The following CEP97 variants were observed in gnomAD, a reference collection of about 807,000 sequenced individuals.
CEP97 encodes centrosomal protein of 97 kDa.
A neutral mutation model predicts 73.1 loss-of-function variants in CEP97; 43 were observed. The observed-to-expected ratio is 0.59, with a 90% CI of 0.46 to 0.76. The LOEUF is 0.76. CEP97 is among the 30% of genes least tolerant of loss of function. The pLI, the probability that CEP97 is intolerant of heterozygous loss-of-function variation, is 0.00. For synonymous variants in CEP97, 337 were observed against 370.0 expected (o/e 0.91, Z 1.02); for missense variants, 939 against 1,014.0 (o/e 0.93, Z 1.00).
rs773569838 is a variant in CEP97, at chr3:101,724,667, A to G, written c.-10A>G. ...GGACGGTTGCCTGGTATTATTAGCAAGCAGCAAATATGGCGGTGGCGCGCG... is the reference window on the plus strand; with the variant it reads ...GGACGGTTGCCTGGTATTATTAGCAGGCAGCAAATATGGCGGTGGCGCGCG... On this transcript the variant is annotated 5_prime_UTR_variant, in exon 1 of 11. Coordinates refer to ENST00000341893, the MANE Select transcript of CEP97 (RefSeq NM_024548.4). 1.2e-6 allele frequency: 2 copies of G among 1,614,074 alleles called. No individual in the cohort carries two copies. The highest frequency in any genetic ancestry group is 8.5e-7 in the Non-Finnish European group (1 of 1,179,996).
At chr3:101,760,333 G>A (rs1361778588) in intron 9 of CEP97, among the ~76,000 whole-genome samples, 2 of 152,110 alleles carry the variant, frequency 1.3e-5, no homozygotes, top group Non-Finnish European at 2.9e-5. Flanking sequence ...AGGGTTGCTG[G>A]ACAATGTGAG....
At chr3:101,750,527 G>T (rs1370005647) in intron 6 of CEP97, among the ~76,000 whole-genome samples, 3 of 152,182 alleles carry the variant, frequency 2.0e-5, no homozygotes. Context: ...ATTTGGCTGT[G>T]AATCCATCTG....
chr3:101,747,098 A>C (rs1322492313), intron 6 of CEP97, among the ~76,000 whole-genome samples: 4 of 149,628 alleles, frequency 2.7e-5, no homozygotes, highest in African/African-American at 9.9e-5. Flanking sequence ...AAACTAGTTC[A>C]ACCATTGTGG....
At chr3:101,747,917 G>T (rs1412338192) in intron 6 of CEP97, among the ~76,000 whole-genome samples, 1 of 151,178 alleles carries the variant, frequency 6.6e-6, no homozygotes, top group Non-Finnish European at 1.5e-5. Context: ...GAAGTCAGCA[G>T]TTCAAGACCA....
At chr3:101,734,240 G>C (rs898060422) in intron 6 of CEP97, among the ~76,000 whole-genome samples, 10 of 152,158 alleles carry the variant, frequency 6.6e-5, no homozygotes, top group African/African-American at 2.4e-4. Flanking sequence ...GAGTCTTCTG[G>C]ACCCTGATAC....
intron 6 of CEP97, among the ~76,000 whole-genome samples, chr3:101,753,254 A>G (rs1255178742): frequency 6.6e-6 from 1 of 152,132 alleles, no homozygotes; most frequent in East Asian, 1.9e-4. Context: ...TTCCTCTGGA[A>G]GTTTTGTCTC....
At chr3:101,740,934 A>G (rs1938432880) in intron 6 of CEP97, among the ~76,000 whole-genome samples, 1 of 152,212 alleles carries the variant, frequency 6.6e-6, no homozygotes, top group Non-Finnish European at 1.5e-5. Context: ...TTGAAATTGC[A>G]TATGGAACCA....
chr3:101,770,016 A>G lies in CEP97; in HGVS notation c.*4465A>G, dbSNP rs1560025927. ...GAATCACTCTGTAGTAGTTGTGTTCATTTTCTTTTCTTTTTCTTTTCTTTT... is the reference window on the plus strand; with the variant it reads ...GAATCACTCTGTAGTAGTTGTGTTCGTTTTCTTTTCTTTTTCTTTTCTTTT... On this transcript the variant is annotated 3_prime_UTR_variant, in exon 11 of 11. Coordinates refer to ENST00000341893, the MANE Select transcript of CEP97 (RefSeq NM_024548.4). 6.6e-6 allele frequency: 1 copy of G among 151,738 alleles called. No individual in the cohort carries two copies. The highest frequency in any genetic ancestry group is 1.5e-5 in the Non-Finnish European group (1 of 67,906). The allele number at this position is 151,738 out of a possible 1,614,324, so 9.4% of individuals were successfully genotyped here.
intron 2 of CEP97, among the ~76,000 whole-genome samples, chr3:101,727,145 TGTCTTAGTAGTTAGAG>T (rs1937917590): frequency 6.6e-6 from 1 of 152,190 alleles, no homozygotes; most frequent in African/African-American, 2.4e-5. Flanking sequence ...GTGTTAAAAA[TGTCTTAGTAGTTAGAG>T]GAGGTCTGAT....
intron 6 of CEP97, among the ~76,000 whole-genome samples, chr3:101,739,103 A>G (rs1347693030): frequency 6.6e-6 from 1 of 152,136 alleles, no homozygotes; most frequent in Non-Finnish European, 1.5e-5. Context: ...ACATACACCC[A>G]CCCAAGACTA....
intron 9 of CEP97, chr3:101,758,818 A>T (rs1939093980): frequency 5.8e-6 from 1 of 173,578 alleles, no homozygotes; most frequent in Non-Finnish European, 1.2e-5. Flanking sequence ...AGGGATTCAG[A>T]AGGGGCTAAA....
At position 101,757,098 on chromosome 3, in the gene CEP97, A is replaced by G. The variant is rs759213129; in HGVS notation, c.929A>G (p.Asn310Ser). The change falls in exon 8 of 11, where the codon AAT becomes AGT. Residue 310 changes from asparagine (N) to serine (S), a missense_variant. Asn to Ser is a conservative substitution (Grantham distance 46). Coordinates refer to ENST00000341893, the MANE Select transcript of CEP97 (RefSeq NM_024548.4). ...HQRQLMNQSQ[N>S]EELSPLVPVE... ...AGGCAGTTGATGAACCAAAGCCAAA[A>G]TGAAGAGTTGTCTCCTCTTGTTCCT... The G allele has an allele frequency of 2.5e-6, 4 of 1,612,742 alleles. No individual in the cohort carries two copies. In the East Asian group the frequency reaches 8.9e-5, roughly 36 times the overall value.
chr3:101,736,939 C>A (rs1008175782), intron 6 of CEP97, among the ~76,000 whole-genome samples: 2 of 152,164 alleles, frequency 1.3e-5, no homozygotes, highest in Non-Finnish European at 2.9e-5. Context: ...AAGCTAAGAA[C>A]CTTGAACAAA....
chr3:101,763,973 T>C lies in CEP97; in HGVS notation c.1894-874T>C, dbSNP rs115563688. Among the ~76,000 whole-genome samples the C allele has an allele frequency of 2.8e-3, 421 of 152,270 alleles. 2 individuals carry two copies. The highest frequency in any genetic ancestry group is 4.9e-3 in the Non-Finnish European group (330 of 68,008). On this transcript the variant is annotated intron_variant, in intron 10 of 10. Coordinates refer to ENST00000341893, the MANE Select transcript of CEP97 (RefSeq NM_024548.4). ...CTGTTGTGCTTCTTGCTGTTTTTCT[T>C]GTAGAAGCAAGAGAATTGCTTTGGC...
At chr3:101,761,095 G>A (rs1939160831) in intron 9 of CEP97, among the ~76,000 whole-genome samples, 1 of 151,844 alleles carries the variant, frequency 6.6e-6, no homozygotes, top group African/African-American at 2.4e-5. Flanking sequence ...TCAAACTCCT[G>A]ACCTCAGGTG....
In CEP97 at chr3:101,732,657, A is replaced by G; in HGVS notation, c.728+3A>G. On this transcript the variant is annotated splice_donor_region_variant and intron_variant, in intron 6 of 10. Transcript: ENST00000341893. ...TATGTGATTTCTCAGAAGGAAAGGT[A>G]AACATGTGCTCTTTAACATCACAAA... The G allele has an allele frequency of 1.2e-6, 2 of 1,600,036 alleles. No homozygotes were observed. The highest frequency in any genetic ancestry group is 1.7e-6 in the Non-Finnish European group (2 of 1,169,722).
intron 6 of CEP97, among the ~76,000 whole-genome samples, chr3:101,751,994 T>C (rs1414037734): frequency 1.3e-5 from 2 of 152,226 alleles, no homozygotes; most frequent in Non-Finnish European, 2.9e-5. Flanking sequence ...GCCTTGATGG[T>C]CTTTACAATT....
chr3:101,738,029 A>G lies in CEP97; in HGVS notation c.728+5375A>G, dbSNP rs866700416. Among the ~76,000 whole-genome samples, 1,002 of 151,004 alleles carry G rather than the reference A, an allele frequency of 6.6e-3. 15 individuals are homozygous for G. The highest frequency in any genetic ancestry group is 0.024 in the African/African-American group (969 of 41,142). ...TGGAAAGCAAAAAAAAAAAAAAAAA[A>G]AAAAAGCAGGGGTTACAATCATAGT... is the stretch of plus-strand genomic sequence containing the variant. On this transcript the variant is annotated intron_variant, in intron 6 of 10. Transcript: ENST00000341893.
chr3:101,751,967 G>T (rs1938840959), intron 6 of CEP97, among the ~76,000 whole-genome samples: 1 of 152,130 alleles, frequency 6.6e-6, no homozygotes, highest in Non-Finnish European at 1.5e-5. Context: ...GATGTTAGCT[G>T]TTTATTTTGC....
Sources: allele counts gnomAD v4.1 joint callset (sites outside exome capture counted in the v4.1 genomes callset), GRCh38; gene constraint gnomAD v4.1.1; transcripts MANE v1.5; gene names NCBI Gene and HGNC (gene_info 2026-07-23, HGNC 2026-07-21).